PATJ: variants seen among roughly 807,000 people sequenced by gnomAD.
The protein encoded by PATJ is inaD-like protein.
In PATJ, 190 loss-of-function variants were observed where a neutral mutation model predicts 224.9. The ratio of observed to expected loss-of-function variants is 0.84; its 90% CI spans 0.75 to 0.95. The LOEUF is 0.95. Among genes scored for constraint, PATJ ranks in the 40% least tolerant of loss-of-function variants. The pLI, the probability that PATJ is intolerant of heterozygous loss-of-function variation, is 0.00. For missense variants in PATJ, 2,121 were observed against 2,270.3 expected, an observed-to-expected ratio of 0.93 and a Z score of 1.34; for synonymous variants, 769 against 820.3, an observed-to-expected ratio of 0.94 and a Z score of 1.07.
intron 1 of PATJ, among the ~76,000 whole-genome samples, chr1:61,749,386 G>C (rs751331305): frequency 6.6e-6 from 1 of 151,946 alleles, no homozygotes; most frequent in Non-Finnish European, 1.5e-5. Flanking sequence ...CCTACAGAGC[G>C]GGTCCTAGGG....
At chr1:61,773,184 G>A (rs1281207727) in intron 6 of PATJ, among the ~76,000 whole-genome samples, 1 of 151,914 alleles carries the variant, frequency 6.6e-6, no homozygotes, top group Non-Finnish European at 1.5e-5. Context: ...AACACACCCG[G>A]CTAATTTTTT....
chr1:61,815,122 G>A (rs1655841627), intron 14 of PATJ, among the ~76,000 whole-genome samples: 1 of 152,224 alleles, frequency 6.6e-6, no homozygotes, highest in South Asian at 2.1e-4. Flanking sequence ...TGGGGTGGGG[G>A]ACACTTCAGA....
At chr1:61,751,455 C>G (rs1260348966) in intron 1 of PATJ, among the ~76,000 whole-genome samples, 1 of 152,104 alleles carries the variant, frequency 6.6e-6, no homozygotes, top group African/African-American at 2.4e-5. Flanking sequence ...GATCAGAGAC[C>G]TCTAAGTGTG....
intron 15 of PATJ, among the ~76,000 whole-genome samples, chr1:61,825,737 T>C (rs1259632315): frequency 2.0e-5 from 3 of 152,118 alleles, no homozygotes; most frequent in Non-Finnish European, 4.4e-5. Flanking sequence ...TTCAAATGAA[T>C]AAATAATGAG....
intron 17 of PATJ, among the ~76,000 whole-genome samples, chr1:61,836,771 A>G (rs1660243153): frequency 6.6e-6 from 1 of 152,246 alleles, no homozygotes; most frequent in Non-Finnish European, 1.5e-5. Context: ...AGCAAAAGCC[A>G]TGAAAGGCCA....
intron 27 of PATJ, among the ~76,000 whole-genome samples, chr1:61,933,408 C>CG (rs886164955): frequency 6.6e-6 from 1 of 151,696 alleles, no homozygotes; most frequent in Admixed American, 6.6e-5. Context: ...GGCGTAGTGG[C>CG]GGGCTCCTTG....
chr1:61,824,598 G>A (rs1318161455), intron 15 of PATJ, among the ~76,000 whole-genome samples: 2 of 150,750 alleles, frequency 1.3e-5, no homozygotes, highest in Admixed American at 1.3e-4. Context: ...GCTAGTTTTA[G>A]TTGTTTTGCA....
At chr1:61,939,926 G>A (rs1162296210) in intron 27 of PATJ, among the ~76,000 whole-genome samples, 6 of 151,638 alleles carry the variant, frequency 4.0e-5, no homozygotes, top group African/African-American at 2.4e-5. Flanking sequence ...CGCCCGCCTC[G>A]GCCTTCCAAA....
intron 7 of PATJ, among the ~76,000 whole-genome samples, chr1:61,779,851 G>A (rs989917823): frequency 6.6e-6 from 1 of 152,206 alleles, no homozygotes; most frequent in Non-Finnish European, 1.5e-5. Context: ...CTTCCATGGT[G>A]GAAGGTGAAG....
chr1:61,856,070 C>T lies in PATJ; in HGVS notation c.2153C>T (p.Ser718Phe), dbSNP rs1229006568. 3 of 1,614,082 alleles carry T rather than the reference C, an allele frequency of 1.9e-6. No individual in the cohort carries two copies. The South Asian group carries it at 3.3e-5, about 18-fold the overall frequency. ...ACAAGATCAGTGATTGTGATCCGCTCCCTGGTAGCAGATGGTGTAGCAGAA... is the reference window on the plus strand; with the variant it reads ...ACAAGATCAGTGATTGTGATCCGCTTCCTGGTAGCAGATGGTGTAGCAGAA... The part of the protein sequence containing the change: ...DPTRSVIVIR[S>F]LVADGVAERS... Residue 718 changes from serine (S) to phenylalanine (F), a missense_variant, in exon 18 of 44, where the codon TCC (serine) becomes TTC (phenylalanine). Coordinates refer to ENST00000642238, the MANE Select transcript of PATJ (RefSeq NM_001350145.3).
At chr1:62,144,344 G>A (rs148084439) in intron 41 of PATJ, among the ~76,000 whole-genome samples, 1 of 152,264 alleles carries the variant, frequency 6.6e-6, no homozygotes, top group East Asian at 1.9e-4. Flanking sequence ...CCCAAAATGT[G>A]TTCTGGGGCA....
chr1:61,817,629 C>T (rs1656403418), intron 14 of PATJ, among the ~76,000 whole-genome samples: 1 of 152,152 alleles, frequency 6.6e-6, no homozygotes, highest in African/African-American at 2.4e-5. Context: ...CCATTGCACT[C>T]CCGCCTGGGC....
intron 28 of PATJ, among the ~76,000 whole-genome samples, chr1:62,014,693 A>G (rs1018797606): frequency 6.6e-6 from 1 of 150,694 alleles, no homozygotes; most frequent in Non-Finnish European, 1.5e-5. Flanking sequence ...CAGCCTCCCA[A>G]GTAGCTGGGA....
At chr1:62,160,110 C>G (rs1280729891) in intron 43 of PATJ, among the ~76,000 whole-genome samples, 5 of 152,096 alleles carry the variant, frequency 3.3e-5, no homozygotes, top group Non-Finnish European at 7.4e-5. Context: ...GTTACCCCTA[C>G]AGATGGTGAA....
chr1:62,074,731 A>C (rs999372662), intron 31 of PATJ, among the ~76,000 whole-genome samples: 7 of 152,216 alleles, frequency 4.6e-5, no homozygotes, highest in Non-Finnish European at 1.5e-5. Flanking sequence ...TGGGAGGCTG[A>C]AACGGGTGGA....
At chr1:61,796,683 T>C (rs1651228843) in intron 10 of PATJ, among the ~76,000 whole-genome samples, 1 of 20,722 alleles carries the variant, frequency 4.8e-5, no homozygotes, top group African/African-American at 1.2e-4. Flanking sequence ...TCTTTCTTTC[T>C]TTCTTTCTTT....
chr1:61,862,541 C>A (rs1664781594), intron 19 of PATJ, among the ~76,000 whole-genome samples: 1 of 152,092 alleles, frequency 6.6e-6, no homozygotes, highest in South Asian at 2.1e-4. Flanking sequence ...CACATTGCCT[C>A]TCTAAATGAT....
chr1:62,103,410 A>G (rs1662475518), intron 33 of PATJ, among the ~76,000 whole-genome samples: 1 of 152,326 alleles, frequency 6.6e-6, no homozygotes, highest in Non-Finnish European at 1.5e-5. Flanking sequence ...AGTGTGTAGC[A>G]TCTATGGCAC....
At chr1:61,964,132 A>G (rs1210695052) in intron 27 of PATJ, among the ~76,000 whole-genome samples, 1 of 143,530 alleles carries the variant, frequency 7.0e-6, no homozygotes, top group East Asian at 2.3e-4. Flanking sequence ...CCAAGGCTGG[A>G]GTACAGTGGC....
Sources: gnomAD v4.1 joint callset for allele counts (sites outside exome capture counted in the v4.1 genomes callset) on GRCh38, gnomAD v4.1.1 for gene constraint, MANE v1.5 for transcripts, NCBI Gene and HGNC (gene_info 2026-07-23, HGNC 2026-07-21) for gene names.